Variants in TRPM8 observed in about 807,000 individuals in gnomAD.
The protein encoded by TRPM8 is TRPM8 cationic channel.
In TRPM8, 110 loss-of-function variants were observed where a neutral mutation model predicts 133.7. That is an observed-to-expected ratio of 0.82 (90% CI 0.70 to 0.96). TRPM8 has a LOEUF of 0.96. Among genes scored for constraint, TRPM8 ranks in the 40% least tolerant of loss-of-function variants. TRPM8 has a pLI of 0.00. For missense variants in TRPM8, 1,291 were observed against 1,379.5 expected, an observed-to-expected ratio of 0.94 and a Z score of 1.02; for synonymous variants, 535 against 532.3, an observed-to-expected ratio of 1.01 and a Z score of -0.07.
chr2:233,983,035 C>T lies in TRPM8; in HGVS notation c.2590-18C>T, dbSNP rs780207950. On this transcript the variant is annotated intron_variant, in intron 19 of 25. Coordinates refer to ENST00000324695, the MANE Select transcript of TRPM8 (RefSeq NM_024080.5). ...GTGGGCACGGTCCTGACTCCGCTCT[C>T]CTGTCCTCCCCTGACAGCTGATCGA... 1.4e-5 allele frequency: 23 copies of T among 1,606,614 alleles called. No individual in the cohort carries two copies. The highest frequency in any genetic ancestry group is 2.2e-5 in the East Asian group (1 of 44,680).
chr2:233,991,568 G>T (rs17864759), intron 21 of TRPM8, among the ~76,000 whole-genome samples: 11,647 of 152,226 alleles, frequency 0.077, 465 homozygotes, highest in East Asian at 0.14. Context: ...TTTGGAGGAG[G>T]TGTCCATCTG....
chr2:233,985,928 G>A, intron 21 of TRPM8, 63 bp downstream of exon 21: 1 of 1,489,134 alleles, frequency 6.7e-7, no homozygotes, highest in South Asian at 1.3e-5. Flanking sequence ...CCAGGCTGGA[G>A]GTGCTGGGAG....
chr2:233,964,551 C>CAAAAAA (rs34817253), intron 13 of TRPM8, 77 bp from the exon 14 acceptor site: 97 of 571,592 alleles, frequency 1.7e-4, no homozygotes, highest in Admixed American at 4.4e-4. Flanking sequence ...GACTCCGTCT[C>CAAAAAA]AAAAAAAAAA....
rs1187355853 is a variant in TRPM8 at position 233,963,475 on chromosome 2, T to A, written c.1749+98T>A. ...TTCGCATGCCTAATATAAAACATCATCAGTGAAATGGGATGTCTGAGTTCA... is the reference window on the plus strand; with the variant it reads ...TTCGCATGCCTAATATAAAACATCAACAGTGAAATGGGATGTCTGAGTTCA... On this transcript the variant is annotated intron_variant, in intron 13 of 25. Transcript: ENST00000324695. 4.4e-6 allele frequency: 3 copies of A among 680,074 alleles called. No individual in the cohort carries two copies. In the East Asian group the frequency reaches 8.5e-5, roughly 19 times the overall value. The allele number at this position is 680,074 out of a possible 1,614,324, so 42.1% of individuals were successfully genotyped here. A position where few individuals can be genotyped will look rare whatever the true frequency, so the allele number is the denominator to read the frequency against.
chr2:233,961,200 A>G (rs1691429280), intron 12 of TRPM8, 134 bp downstream of exon 12: 1 of 866,476 alleles, frequency 1.2e-6, no homozygotes. Context: ...AATTTTTTTA[A>G]CTCCCTTTAT....
In TRPM8 at chr2:233,947,092, C is replaced by G; in HGVS notation, c.879C>G (p.Ser293=). 1.9e-6 allele frequency: 3 copies of G among 1,613,912 alleles called. No homozygotes were observed. Among genetic ancestry groups the G allele is most frequent in the South Asian group, 2.2e-5 (2 of 91,066 alleles). Residue 293 remains serine (S), a synonymous_variant, in exon 8 of 26, where the codon TCC becomes TCG. Coordinates refer to ENST00000324695, the MANE Select transcript of TRPM8 (RefSeq NM_024080.5). ...KYISERTIQD[S]NYGGKIPIVC... ...TTTACTTTTTATATTTTACAGATTC[C>G]AACTATGGTGGCAAGATCCCCATTG... is the stretch of plus-strand genomic sequence containing the variant.
chr2:233,937,350 C>T lies in TRPM8; in HGVS notation c.192-3C>T. The T allele has an allele frequency of 1.2e-6, 2 of 1,613,800 alleles. No homozygotes were observed. Among genetic ancestry groups the T allele is most frequent in the Non-Finnish European group, 1.7e-6 (2 of 1,179,938 alleles). On this transcript the variant is annotated splice_region_variant and splice_polypyrimidine_tract_variant and intron_variant, in intron 3 of 25. Coordinates refer to ENST00000324695, the MANE Select transcript of TRPM8 (RefSeq NM_024080.5). Reference sequence around the variant, plus strand: ...TTCCTGTCCACACCATCGTGCTTATCAGGGAGAATGTGTGCAAGTGTGGCT... The same window carrying T: ...TTCCTGTCCACACCATCGTGCTTATTAGGGAGAATGTGTGCAAGTGTGGCT...
In TRPM8 at chr2:234,016,099, A is replaced by G. The variant is rs1230914610; in HGVS notation, c.*43-1200A>G. ...GGGCAGACAGACTGATTTCCTATCA[A>G]CTCGCCCTTTCTTTAACCTTAAACT... On this transcript the variant is annotated intron_variant, in intron 25 of 25. Transcript: ENST00000324695. 2.0e-5 allele frequency among the ~76,000 whole-genome samples: 3 copies of G among 152,282 alleles called. No individual in the cohort carries two copies. In the East Asian group the frequency reaches 5.8e-4, roughly 29 times the overall value.
intron 2 of TRPM8, among the ~76,000 whole-genome samples, chr2:233,927,924 T>TCTC (rs1691593859): frequency 3.6e-5 from 1 of 28,052 alleles, no homozygotes; most frequent in African/African-American, 2.1e-4. Flanking sequence ...CTCTCTCTCT[T>TCTC]TCTCTCTCTC....
At chr2:233,951,341 A>T (rs1330061589) in intron 9 of TRPM8, among the ~76,000 whole-genome samples, 2 of 152,216 alleles carry the variant, frequency 1.3e-5, no homozygotes, top group Non-Finnish European at 2.9e-5. Flanking sequence ...TGCCACTCTC[A>T]ACGTCATTTC....
chr2:233,927,005 G>A (rs1008146946), intron 2 of TRPM8, among the ~76,000 whole-genome samples: 1 of 152,170 alleles, frequency 6.6e-6, no homozygotes, highest in Non-Finnish European at 1.5e-5. Context: ...AGTCGGGGTT[G>A]GGTGCCAGCG....
At chr2:233,997,710 C>T (rs1218276529) in intron 22 of TRPM8, among the ~76,000 whole-genome samples, 1 of 152,164 alleles carries the variant, frequency 6.6e-6, no homozygotes, top group Non-Finnish European at 1.5e-5. Context: ...CCACCACACA[C>T]TCCACACACT....
At chr2:234,007,693 T>C (rs1692727974) in intron 23 of TRPM8, among the ~76,000 whole-genome samples, 1 of 152,228 alleles carries the variant, frequency 6.6e-6, no homozygotes, top group African/African-American at 2.4e-5. Flanking sequence ...TTTGCTGGGT[T>C]CAATACAGCT....
At chr2:233,959,944 A>C (rs1022908679) in intron 11 of TRPM8, among the ~76,000 whole-genome samples, 2 of 134,916 alleles carry the variant, frequency 1.5e-5, no homozygotes, top group African/African-American at 5.3e-5. Flanking sequence ...ACCACACCTA[A>C]TTTTTTTTTT....
intron 23 of TRPM8, 108 bp from the exon 24 acceptor site, chr2:234,007,962 G>C (rs1422859804): frequency 9.2e-7 from 1 of 1,089,200 alleles, no homozygotes; most frequent in Non-Finnish European, 1.4e-6. Context: ...GAGTGAAAAT[G>C]ACTTGTATTC....
intron 24 of TRPM8, among the ~76,000 whole-genome samples, chr2:234,012,329 G>A (rs755507416): frequency 7.2e-5 from 11 of 151,932 alleles, no homozygotes; most frequent in Non-Finnish European, 1.3e-4. Flanking sequence ...TGTATTTTTA[G>A]TAGAGATGGG....
chr2:233,942,631 G>A lies in TRPM8; in HGVS notation c.582G>A (p.Glu194=), dbSNP rs371084903. 6.2e-7 allele frequency: 1 copy of A among 1,614,110 alleles called. No individual in the cohort carries two copies. Among genetic ancestry groups the A allele is most frequent in the African/African-American group, 1.3e-5 (1 of 74,940 alleles). ...THYGLMKYIG[E]VVRDNTISRS... Reference sequence around the variant, plus strand: ...ATGGCCTGATGAAGTACATCGGGGAGGTGGTGAGAGATAACACCATCAGCA... The same window carrying A: ...ATGGCCTGATGAAGTACATCGGGGAAGTGGTGAGAGATAACACCATCAGCA... The change falls in exon 6 of 26, where the codon GAG becomes GAA. Residue 194 remains glutamate, a synonymous_variant. Coordinates refer to ENST00000324695, the MANE Select transcript of TRPM8 (RefSeq NM_024080.5).
intron 24 of TRPM8, among the ~76,000 whole-genome samples, chr2:234,010,357 C>A (rs535728133): frequency 1.3e-5 from 2 of 152,248 alleles, no homozygotes; most frequent in Admixed American, 6.5e-5. Context: ...TAGGTATGTA[C>A]CACATTTTCT....
At position 233,927,736 on chromosome 2, in the gene TRPM8, TTCTTTC is replaced by T. The variant is rs1164642990; in HGVS notation, c.117+1084_117+1089del. On this transcript the variant is annotated intron_variant, in intron 2 of 25. Transcript: ENST00000324695. Reference sequence around the variant, plus strand: ...TTTCTTTCTTTCTTTCTTTCTTTCTTTCTTTCTTTCTTTCTTTCTTTCTTTCTTTCT... The same window carrying T: ...TTTCTTTCTTTCTTTCTTTCTTTCTTTTTCTTTCTTTCTTTCTTTCTTTCT... 1.0e-4 allele frequency among the ~76,000 whole-genome samples: 6 copies of T among 57,358 alleles called. No homozygotes were observed. In the African/African-American group the frequency reaches 1.7e-3, roughly 16 times the overall value. 37.6% of individuals were successfully genotyped at this position (57,358 alleles called of 152,430 possible). A position where few individuals can be genotyped will look rare whatever the true frequency, so the allele number is the denominator to read the frequency against.
Sources: allele counts gnomAD v4.1 joint callset (sites outside exome capture counted in the v4.1 genomes callset), GRCh38; gene constraint gnomAD v4.1.1; transcripts MANE v1.5; gene names NCBI Gene and HGNC (gene_info 2026-07-23, HGNC 2026-07-21).